HYCC1: variants seen among roughly 807,000 people sequenced by gnomAD.
HYCC1 encodes hyccin PI4KA lipid kinase complex subunit 1, also known as hyccin.
At chr7:22,897,109 G>C in the HYCC1 span, among the ~76,000 whole-genome samples, 2 of 152,194 alleles carry the variant, frequency 1.3e-5, no homozygotes, top group African/African-American at 4.8e-5. Flanking sequence ...GACCAAATAA[G>C]GTAAGAGAGT....
At chr7:22,971,846 C>T in the HYCC1 span, among the ~76,000 whole-genome samples, 1 of 152,094 alleles carries the variant, frequency 6.6e-6, no homozygotes, top group Non-Finnish European at 1.5e-5. Context: ...AAGTCTGCAT[C>T]TTCTGTCATG....
the HYCC1 span, chr7:22,977,496 C>A: frequency 1.1e-6 from 1 of 877,060 alleles, no homozygotes; most frequent in South Asian, 1.6e-5. Flanking sequence ...TTTAAATAGT[C>A]TAAAACATTT....
At chr7:22,945,464 C>A in the HYCC1 span, 1 of 741,552 alleles carries the variant, frequency 1.3e-6, no homozygotes, top group Non-Finnish European at 2.4e-6. Context: ...GTCAGGGGAG[C>A]CTTCAGAATT....
chr7:22,973,297 T>C, the HYCC1 span, among the ~76,000 whole-genome samples: 1 of 152,222 alleles, frequency 6.6e-6, no homozygotes, highest in South Asian at 2.1e-4. Context: ...TTAACAAAAG[T>C]GTTTTCTAAT....
chr7:22,939,566 A>G, the HYCC1 span: 1 of 152,240 alleles, frequency 6.6e-6, no homozygotes, highest in Non-Finnish European at 1.5e-5. Flanking sequence ...ATTCTGTAAA[A>G]TGTATTATGA....
At chr7:22,981,256 T>C in the HYCC1 span, among the ~76,000 whole-genome samples, 1 of 152,234 alleles carries the variant, frequency 6.6e-6, no homozygotes, top group Non-Finnish European at 1.5e-5. Context: ...ACACATTAAA[T>C]GCGTTTAATA....
At chr7:22,997,804 A>G in the HYCC1 span, among the ~76,000 whole-genome samples, 1 of 152,170 alleles carries the variant, frequency 6.6e-6, no homozygotes, top group African/African-American at 2.4e-5. Flanking sequence ...ACTTAGGCCT[A>G]TTTTCCCCAA....
the HYCC1 span, among the ~76,000 whole-genome samples, chr7:22,928,396 T>G: frequency 4.6e-5 from 7 of 152,086 alleles, no homozygotes; most frequent in South Asian, 4.1e-4. Flanking sequence ...AAGTCAAATT[T>G]TCCCTGTTTG....
At chr7:22,972,666 A>G in the HYCC1 span, among the ~76,000 whole-genome samples, 2 of 152,202 alleles carry the variant, frequency 1.3e-5, no homozygotes, top group African/African-American at 4.8e-5. Context: ...TGCCATATAC[A>G]TTTAGTACTA....
chr7:22,976,787 C>T, the HYCC1 span: 1 of 1,612,238 alleles, frequency 6.2e-7, no homozygotes, highest in Non-Finnish European at 8.5e-7. Flanking sequence ...TCAGTCAGAG[C>T]CATGGACCCA....
At chr7:22,949,459 T>C in the HYCC1 span, among the ~76,000 whole-genome samples, 36 of 152,236 alleles carry the variant, frequency 2.4e-4, no homozygotes, top group African/African-American at 8.4e-4. Flanking sequence ...TTAGGTTTAA[T>C]TTATTCATGT....
At chr7:22,919,690 CTAGATT>C in the HYCC1 span, among the ~76,000 whole-genome samples, 1 of 150,384 alleles carries the variant, frequency 6.6e-6, no homozygotes, top group Non-Finnish European at 1.5e-5. Flanking sequence ...CTCAACTAAA[CTAGATT>C]TAAAGTGTCA....
chr7:22,917,012 C>T, the HYCC1 span, among the ~76,000 whole-genome samples: 4 of 152,200 alleles, frequency 2.6e-5, no homozygotes, highest in African/African-American at 4.8e-5. Context: ...TTCTCAAGGT[C>T]GCTTTACTTC....
chr7:22,920,377 C>G, the HYCC1 span, among the ~76,000 whole-genome samples: 1 of 151,824 alleles, frequency 6.6e-6, no homozygotes, highest in Non-Finnish European at 1.5e-5. Context: ...AAAAGAAAAT[C>G]TTGAAAGCAG....
the HYCC1 span, chr7:22,935,217 T>A: frequency 6.6e-6 from 1 of 152,248 alleles, no homozygotes; most frequent in East Asian, 1.9e-4. Context: ...GCTATAGAAG[T>A]GTCTGGTTAT....
At chr7:22,928,775 A>G in the HYCC1 span, among the ~76,000 whole-genome samples, 3,094 of 152,236 alleles carry the variant, frequency 0.02, 63 homozygotes, top group East Asian at 0.11. Flanking sequence ...GGTAATTTAT[A>G]GATTCAATGC....
chr7:22,961,397 T>C, the HYCC1 span: 1 of 840,954 alleles, frequency 1.2e-6, no homozygotes, highest in Non-Finnish European at 1.9e-6. Context: ...GAAACTATCT[T>C]TACTGAAGAA....
the HYCC1 span, among the ~76,000 whole-genome samples, chr7:22,997,675 T>A: frequency 6.6e-6 from 1 of 152,108 alleles, no homozygotes; most frequent in Admixed American, 6.6e-5. Flanking sequence ...TAAAAAGAAG[T>A]GTTGATGCCT....
the HYCC1 span, among the ~76,000 whole-genome samples, chr7:23,004,755 T>C: frequency 6.6e-6 from 1 of 152,132 alleles, no homozygotes; most frequent in African/African-American, 2.4e-5. Flanking sequence ...AAAAATATAG[T>C]CAACACAAAT....
Sources: gnomAD v4.1 joint callset for allele counts (sites outside exome capture counted in the v4.1 genomes callset) on GRCh38, gnomAD v4.1.1 for gene constraint, MANE v1.5 for transcripts, NCBI Gene and HGNC (gene_info 2026-07-23, HGNC 2026-07-21) for gene names.